CLEC2A: variants seen among roughly 807,000 people sequenced by gnomAD.
CLEC2A encodes the protein C-type lectin domain family 2 member A.
In CLEC2A, 19 loss-of-function variants were observed where a neutral mutation model predicts 18.6. The observed-to-expected ratio is 1.02, with a 90% CI of 0.71 to 1.50. The LOEUF is 1.50. CLEC2A is among the 40% of genes most tolerant of loss of function. The probability of loss-of-function intolerance (pLI) is 0.00; values close to 1 mark genes in which losing one functional copy is unlikely to be tolerated. For synonymous variants in CLEC2A, 74 were observed against 64.0 expected (o/e 1.16, Z -0.75); for missense variants, 190 against 207.9 (o/e 0.91, Z 0.53).
chr12:9,907,464 G>T (rs578255975), intron 4 of CLEC2A, among the ~76,000 whole-genome samples: 1 of 152,130 alleles, frequency 6.6e-6, no homozygotes, highest in East Asian at 1.9e-4. Context: ...GCAAAGGTAA[G>T]GATCTGATTC....
At chr12:9,921,873 G>A (rs1288124364) in intron 3 of CLEC2A, among the ~76,000 whole-genome samples, 193 bp downstream of exon 3, 3 of 152,128 alleles carry the variant, frequency 2.0e-5, no homozygotes, top group African/African-American at 7.2e-5. Context: ...CTGAGGAGGG[G>A]GAAGAAGAGG....
chr12:9,927,573 A>C (rs1591796981), intron 1 of CLEC2A, among the ~76,000 whole-genome samples: 1 of 152,316 alleles, frequency 6.6e-6, no homozygotes, highest in East Asian at 1.9e-4. Context: ...GGACTTGAAG[A>C]AAGAAAAATT....
the CLEC2A span, among the ~76,000 whole-genome samples, chr12:9,888,360 C>T: frequency 1.3e-5 from 2 of 151,522 alleles, no homozygotes; most frequent in African/African-American, 2.4e-5. Flanking sequence ...CATGGTGGTG[C>T]GCGCCTGTAG....
intron 1 of CLEC2A, among the ~76,000 whole-genome samples, chr12:9,926,557 G>T (rs2137053899): frequency 6.6e-6 from 1 of 152,276 alleles, no homozygotes; most frequent in South Asian, 2.1e-4. Context: ...AGAGAGTGGT[G>T]AGTGGAGAAA....
the CLEC2A span, among the ~76,000 whole-genome samples, chr12:9,878,042 C>A: frequency 6.6e-6 from 1 of 151,944 alleles, no homozygotes; most frequent in Non-Finnish European, 1.5e-5. Flanking sequence ...ATCACTTGAG[C>A]TCAGGAGTTT....
chr12:9,922,153 A>G lies in CLEC2A; in HGVS notation c.219T>C (p.Ser73=). The G allele has an allele frequency of 1.3e-6, 2 of 1,551,330 alleles. No individual in the cohort carries two copies. Among genetic ancestry groups the G allele is most frequent in the Non-Finnish European group, 1.7e-6 (2 of 1,146,758 alleles). The change falls in exon 3 of 5, where the codon TCT becomes TCC. Residue 73 remains serine (S), a synonymous_variant. Coordinates refer to ENST00000455827, the MANE Select transcript of CLEC2A (RefSeq NM_001130711.2). The part of the protein sequence containing the change: ...LGVRDKCFYF[S]DDTRNWTASK... ...TGGCTGTCCAATTTCTGGTATCATC[A>G]GAAAAATAGAAACACTTATCTCTCA...
intron 2 of CLEC2A, among the ~76,000 whole-genome samples, chr12:9,924,037 C>G (rs1472982101): frequency 6.6e-6 from 1 of 151,920 alleles, no homozygotes; most frequent in Admixed American, 6.6e-5. Context: ...ATGGGTGCAG[C>G]ACACCAACAT....
intron 4 of CLEC2A, among the ~76,000 whole-genome samples, chr12:9,904,472 G>A (rs1015699063): frequency 7.9e-5 from 12 of 152,154 alleles, no homozygotes; most frequent in African/African-American, 2.7e-4. Flanking sequence ...CATCTCTAGA[G>A]CTATGGTCTG....
At chr12:9,891,422 A>G in the CLEC2A span, among the ~76,000 whole-genome samples, 1 of 152,166 alleles carries the variant, frequency 6.6e-6, no homozygotes, top group Non-Finnish European at 1.5e-5. Flanking sequence ...TTACAATGCT[A>G]CACTCATCAT....
intron 4 of CLEC2A, among the ~76,000 whole-genome samples, chr12:9,903,526 T>C (rs1862865078): frequency 6.6e-6 from 1 of 152,238 alleles, no homozygotes; most frequent in African/African-American, 2.4e-5. Context: ...GCTTTTGTTA[T>C]GGTTCCACTG....
At chr12:9,889,940 T>C in the CLEC2A span, among the ~76,000 whole-genome samples, 2 of 152,080 alleles carry the variant, frequency 1.3e-5, no homozygotes, top group Admixed American at 1.3e-4. Context: ...AGGATTTTAT[T>C]TTTTATTATA....
chr12:9,912,581 T>C (rs1355802345), downstream of CLEC2A, among the ~76,000 whole-genome samples: 1 of 152,070 alleles, frequency 6.6e-6, no homozygotes, highest in Non-Finnish European at 1.5e-5. Context: ...AAAGATGGTG[T>C]TCTTGTCCTG....
chr12:9,895,606 T>C, downstream of CLEC2A: 2 of 1,323,778 alleles, frequency 1.5e-6, no homozygotes, highest in Non-Finnish European at 2.0e-6. Flanking sequence ...GAATTACCTA[T>C]AAAAGTTTGG....
the CLEC2A span, among the ~76,000 whole-genome samples, chr12:9,879,582 G>A: frequency 1.3e-5 from 2 of 152,134 alleles, no homozygotes; most frequent in Admixed American, 6.5e-5. Context: ...CAGCTCTCCT[G>A]ATCTCTGTTA....
intron 4 of CLEC2A, among the ~76,000 whole-genome samples, chr12:9,903,702 T>G (rs567423415): frequency 6.6e-6 from 1 of 152,242 alleles, no homozygotes; most frequent in East Asian, 1.9e-4. Flanking sequence ...TTTAGTATAG[T>G]TAACAAATTG....
rs950424900 is a variant in CLEC2A, at chr12:9,913,453, C to T, written c.*113G>A. On this transcript the variant is annotated 3_prime_UTR_variant, in exon 5 of 5. Coordinates refer to ENST00000455827, the MANE Select transcript of CLEC2A (RefSeq NM_001130711.2). ...TTCCATCTATAAACTAGAAAATGGG[C>T]CCTCACCAGAGGTTCCGTATTCTGT... The T allele has an allele frequency of 2.8e-6, 4 of 1,425,958 alleles. No individual in the cohort carries two copies. The African/African-American group carries it at 5.8e-5, about 21-fold the overall frequency. The allele number at this position is 1,425,958 out of a possible 1,614,324, so 88.3% of individuals were successfully genotyped here.
At chr12:9,893,379 CA>C in the CLEC2A span, 1 of 984,680 alleles carries the variant, frequency 1.0e-6, no homozygotes, top group South Asian at 1.6e-5. Context: ...TAGAAGGCAT[CA>C]AAATTTTTTT....
At chr12:9,927,108 G>A (rs1863287645) in intron 1 of CLEC2A, among the ~76,000 whole-genome samples, 1 of 151,988 alleles carries the variant, frequency 6.6e-6, no homozygotes, top group East Asian at 1.9e-4. Context: ...GTGCCTTTAG[G>A]TGATTGTGTC....
chr12:9,892,877 C>G, the CLEC2A span: 1 of 627,690 alleles, frequency 1.6e-6, no homozygotes, highest in African/African-American at 1.9e-5. Flanking sequence ...AGCCACCGCG[C>G]CTGGTCTGAA....
Sources: gnomAD v4.1 joint callset for allele counts (sites outside exome capture counted in the v4.1 genomes callset) on GRCh38, gnomAD v4.1.1 for gene constraint, MANE v1.5 for transcripts, NCBI Gene and HGNC (gene_info 2026-07-23, HGNC 2026-07-21) for gene names.